Variants in SYN3 observed in about 807,000 individuals in gnomAD.
The protein encoded by SYN3 is synapsin III.
In SYN3, 35 loss-of-function variants were observed where a neutral mutation model predicts 65.8. The observed-to-expected ratio is 0.53, with a 90% confidence interval of 0.41 to 0.70. The LOEUF (loss-of-function observed/expected upper bound fraction) is 0.70, where lower values mean the gene tolerates loss of function less well. SYN3 is among the 30% of genes least tolerant of loss of function. The pLI, the probability that SYN3 is intolerant of heterozygous loss-of-function variation, is 0.00. For missense variants in SYN3, 680 were observed against 749.0 expected (o/e 0.91, Z 1.08); for synonymous variants, 270 against 292.9 (o/e 0.92, Z 0.80).
At chr22:32,852,183 T>C (rs2048236631) in intron 6 of SYN3, among the ~76,000 whole-genome samples, 1 of 152,216 alleles carries the variant, frequency 6.6e-6, no homozygotes, top group Middle Eastern at 3.2e-3. Flanking sequence ...TGGGAGGTCA[T>C]ATAACTGTTA....
At chr22:32,676,052 T>C (rs2060436028) in intron 6 of SYN3, among the ~76,000 whole-genome samples, 1 of 152,226 alleles carries the variant, frequency 6.6e-6, no homozygotes, top group African/African-American at 2.4e-5. Flanking sequence ...AGCCCCAGGA[T>C]GAACTCTGAG....
At chr22:33,013,363 C>T (rs1354027828) in intron 1 of SYN3, among the ~76,000 whole-genome samples, 1 of 152,172 alleles carries the variant, frequency 6.6e-6, no homozygotes, top group Non-Finnish European at 1.5e-5. Flanking sequence ...CATCGAAATT[C>T]ACTTGGGGCA....
At chr22:32,897,732 T>A (rs976605306) in intron 4 of SYN3, among the ~76,000 whole-genome samples, 1 of 152,150 alleles carries the variant, frequency 6.6e-6, no homozygotes, top group African/African-American at 2.4e-5. Context: ...TTAAGTGAGT[T>A]AAAGAAAAAA....
chr22:32,932,753 C>G (rs1258230009), intron 3 of SYN3, among the ~76,000 whole-genome samples: 1 of 152,158 alleles, frequency 6.6e-6, no homozygotes, highest in Non-Finnish European at 1.5e-5. Flanking sequence ...CTCACTATAA[C>G]CACCTGTCTT....
chr22:32,606,404 T>C (rs979714537), intron 6 of SYN3, among the ~76,000 whole-genome samples: 1 of 151,972 alleles, frequency 6.6e-6, no homozygotes, highest in Non-Finnish European at 1.5e-5. Flanking sequence ...TCTGACAGAC[T>C]CTCCTTGGAA....
intron 6 of SYN3, among the ~76,000 whole-genome samples, chr22:32,616,644 G>T (rs528102065): frequency 6.7e-6 from 1 of 150,328 alleles, no homozygotes; most frequent in Admixed American, 6.6e-5. Flanking sequence ...CTCTCTGGGG[G>T]ACACAGAAAG....
chr22:32,961,993 G>T (rs1601794473), intron 3 of SYN3, among the ~76,000 whole-genome samples: 1 of 152,140 alleles, frequency 6.6e-6, no homozygotes, highest in Admixed American at 6.5e-5. Context: ...CTGATCCCGG[G>T]TACAGCTCTG....
chr22:32,660,122 A>C (rs985343825), intron 6 of SYN3, among the ~76,000 whole-genome samples: 5 of 152,178 alleles, frequency 3.3e-5, no homozygotes, highest in African/African-American at 4.8e-5. Flanking sequence ...TTGAGCACCC[A>C]TTACCTCCTG....
intron 6 of SYN3, among the ~76,000 whole-genome samples, chr22:32,690,921 G>A (rs2060653396): frequency 6.6e-6 from 1 of 152,176 alleles, no homozygotes; most frequent in Non-Finnish European, 1.5e-5. Context: ...GGCAGAGGCT[G>A]GACTGGTAGG....
chr22:32,716,063 AG>A (rs1355294737), intron 6 of SYN3, among the ~76,000 whole-genome samples: 1 of 152,166 alleles, frequency 6.6e-6, no homozygotes, highest in Non-Finnish European at 1.5e-5. Flanking sequence ...AAGGAGAGAA[AG>A]GATGCTGCAA....
intron 3 of SYN3, among the ~76,000 whole-genome samples, chr22:32,978,430 T>C (rs1282977184): frequency 6.6e-6 from 1 of 151,988 alleles, no homozygotes; most frequent in Non-Finnish European, 1.5e-5. Flanking sequence ...GAAGATGATG[T>C]GTCCTATTTT....
chr22:32,529,084 G>GGGGCTCA, intron 10 of SYN3, 76 bp from the exon 11 acceptor site: 1 of 1,589,550 alleles, frequency 6.3e-7, no homozygotes, highest in South Asian at 1.1e-5. Flanking sequence ...CCCAGAAGTG[G>GGGGCTCA]GGGCTCAGGG....
chr22:32,600,188 A>T lies in SYN3; in HGVS notation c.712-3452T>A, dbSNP rs149359769. The stretch of plus-strand genomic sequence containing the variant: ...TGAGCTTGTTTTCTTGCAACTAGAC[A>T]GTCCCATCTGGGGGTGATGGGAGAC... On this transcript the variant is annotated intron_variant, in intron 6 of 13. Transcript: ENST00000358763. Among the ~76,000 whole-genome samples the T allele has an allele frequency of 7.4e-3, 1,132 of 152,288 alleles. 13 individuals are homozygous for T. Among genetic ancestry groups the T allele is most frequent in the African/African-American group, 0.025 (1,049 of 41,552 alleles).
chr22:32,745,318 T>G (rs569305224), intron 6 of SYN3, among the ~76,000 whole-genome samples: 1 of 152,320 alleles, frequency 6.6e-6, no homozygotes, highest in East Asian at 1.9e-4. Context: ...TCACCGCCTG[T>G]CTTTCCTGCC....
intron 3 of SYN3, among the ~76,000 whole-genome samples, chr22:32,947,909 T>C (rs190922304): frequency 6.6e-5 from 10 of 152,318 alleles, no homozygotes; most frequent in Non-Finnish European, 1.5e-4. Context: ...GGGCTCTTAT[T>C]GCAAGGCTCT....
chr22:32,640,698 C>T (rs1005567474), intron 6 of SYN3, among the ~76,000 whole-genome samples: 1 of 152,238 alleles, frequency 6.6e-6, no homozygotes, highest in Middle Eastern at 3.4e-3. Context: ...AACCCCATCT[C>T]TACTAAAAAT....
chr22:32,661,313 T>C (rs1057233353), intron 6 of SYN3, among the ~76,000 whole-genome samples: 7 of 152,106 alleles, frequency 4.6e-5, no homozygotes, highest in Non-Finnish European at 1.0e-4. Flanking sequence ...TCAGAACCAC[T>C]CCAAAGGGTC....
At chr22:32,751,905 T>C (rs1454059394) in intron 6 of SYN3, among the ~76,000 whole-genome samples, 2 of 152,218 alleles carry the variant, frequency 1.3e-5, no homozygotes, top group Non-Finnish European at 2.9e-5. Flanking sequence ...GGGCACTCTC[T>C]AAGTGCTTTA....
intron 2 of SYN3, among the ~76,000 whole-genome samples, chr22:32,988,405 G>C (rs1332324091): frequency 6.6e-6 from 1 of 151,638 alleles, no homozygotes; most frequent in African/African-American, 2.4e-5. Flanking sequence ...ATGTGATTGA[G>C]GATAAGATGT....
Sources: gnomAD v4.1 joint callset for allele counts (sites outside exome capture counted in the v4.1 genomes callset) on GRCh38, gnomAD v4.1.1 for gene constraint, MANE v1.5 for transcripts, NCBI Gene and HGNC (gene_info 2026-07-23, HGNC 2026-07-21) for gene names.